The following GPC5 variants were observed in gnomAD, a reference collection of about 807,000 sequenced individuals.
The protein encoded by GPC5 is glypican-5.
GPC5 carries 47 observed loss-of-function variants against 53.9 expected under a neutral mutation model. The observed-to-expected ratio is 0.87, with a 90% CI of 0.69 to 1.11. The LOEUF is 1.11. Among genes scored for constraint, GPC5 ranks in the 50% most tolerant of loss-of-function variants. The pLI is 0.00. For missense variants in GPC5, 748 were observed against 713.1 expected, an observed-to-expected ratio of 1.05 and a Z score of -0.56; for synonymous variants, 286 against 263.3, an observed-to-expected ratio of 1.09 and a Z score of -0.84.
chr13:91,745,580 C>T (rs773016692), intron 4 of GPC5, among the ~76,000 whole-genome samples: 2 of 151,866 alleles, frequency 1.3e-5, no homozygotes, highest in Non-Finnish European at 2.9e-5. Flanking sequence ...AGGGAGATGA[C>T]TTCCTATGTG....
chr13:91,897,873 A>G (rs1018158091), intron 5 of GPC5, among the ~76,000 whole-genome samples: 26 of 152,130 alleles, frequency 1.7e-4, no homozygotes, highest in African/African-American at 6.0e-4. Context: ...CACAGTTCAG[A>G]CACAACCTCT....
intron 6 of GPC5, among the ~76,000 whole-genome samples, chr13:92,099,493 C>T (rs1332931797): frequency 6.6e-6 from 1 of 152,114 alleles, no homozygotes; most frequent in Non-Finnish European, 1.5e-5. Flanking sequence ...TCCTAATGTC[C>T]AATCTTTCCC....
At chr13:92,267,370 C>T (rs908375181) in intron 7 of GPC5, among the ~76,000 whole-genome samples, 2 of 152,046 alleles carry the variant, frequency 1.3e-5, no homozygotes, top group Non-Finnish European at 2.9e-5. Context: ...CCTGTACATC[C>T]ATGAGAAAAT....
At chr13:91,616,138 G>T (rs2139336641) in intron 2 of GPC5, among the ~76,000 whole-genome samples, 1 of 152,234 alleles carries the variant, frequency 6.6e-6, no homozygotes, top group African/African-American at 2.4e-5. Flanking sequence ...ATATTGCCTA[G>T]GAAGAGAGTT....
chr13:91,622,840 T>C (rs2033898551), intron 2 of GPC5, among the ~76,000 whole-genome samples: 1 of 152,172 alleles, frequency 6.6e-6, no homozygotes, highest in African/African-American at 2.4e-5. Flanking sequence ...CCAGCTAAGA[T>C]AAAATTTACC....
chr13:92,314,999 A>T (rs2043169352), intron 7 of GPC5, among the ~76,000 whole-genome samples: 1 of 151,822 alleles, frequency 6.6e-6, no homozygotes, highest in Non-Finnish European at 1.5e-5. Flanking sequence ...CTGGTCTCGA[A>T]CTCTTAGGCT....
chr13:92,609,493 C>A (rs966864226), intron 7 of GPC5, among the ~76,000 whole-genome samples: 3 of 152,026 alleles, frequency 2.0e-5, no homozygotes, highest in Non-Finnish European at 4.4e-5. Flanking sequence ...CTTTATCTAA[C>A]CTTCATTTAC....
chr13:92,446,424 G>A (rs1237826958), intron 7 of GPC5: 2 of 150,052 alleles, frequency 1.3e-5, no homozygotes, highest in South Asian at 2.1e-4. Flanking sequence ...GCAAAGGACA[G>A]GATACTAGAT....
chr13:92,474,403 G>A (rs1879023613), intron 7 of GPC5, among the ~76,000 whole-genome samples: 1 of 151,938 alleles, frequency 6.6e-6, no homozygotes, highest in South Asian at 2.1e-4. Context: ...TGTTACGGTG[G>A]CCATTTGCAT....
intron 7 of GPC5, among the ~76,000 whole-genome samples, chr13:92,614,127 C>T (rs1438251429): frequency 6.6e-6 from 1 of 152,114 alleles, no homozygotes; most frequent in Non-Finnish European, 1.5e-5. Flanking sequence ...TATCAACTCT[C>T]ACTCACCAAA....
chr13:92,071,329 A>T (rs1027696412), intron 6 of GPC5, among the ~76,000 whole-genome samples: 14 of 152,210 alleles, frequency 9.2e-5, no homozygotes, highest in Non-Finnish European at 1.5e-4. Context: ...TTAGCTGGAC[A>T]ATCATATAGA....
chr13:91,421,962 G>A (rs750839227), intron 1 of GPC5, among the ~76,000 whole-genome samples: 4 of 152,196 alleles, frequency 2.6e-5, no homozygotes, highest in East Asian at 3.9e-4. Context: ...GGAGAAGGAA[G>A]CATCACCCTG....
chr13:92,712,857 C>T (rs1309443152), intron 7 of GPC5, among the ~76,000 whole-genome samples: 1 of 152,126 alleles, frequency 6.6e-6, no homozygotes, highest in East Asian at 1.9e-4. Flanking sequence ...TTAGTAAACA[C>T]ACACTTACAC....
At chr13:91,821,851 CTA>C (rs2038501002) in intron 5 of GPC5, among the ~76,000 whole-genome samples, 1 of 152,040 alleles carries the variant, frequency 6.6e-6, no homozygotes, top group African/African-American at 2.4e-5. Context: ...GTATCTGTAA[CTA>C]TGAATAGAAT....
At chr13:91,770,120 C>T (rs2037594852) in intron 5 of GPC5, among the ~76,000 whole-genome samples, 1 of 152,102 alleles carries the variant, frequency 6.6e-6, no homozygotes, top group African/African-American at 2.4e-5. Flanking sequence ...AACACTTTAC[C>T]TGTGTTTACT....
chr13:91,561,419 C>A (rs371516693), intron 2 of GPC5, among the ~76,000 whole-genome samples: 66 of 152,238 alleles, frequency 4.3e-4, no homozygotes, highest in African/African-American at 1.5e-3. Flanking sequence ...TGAAAAAAGT[C>A]TTTACACTTC....
intron 1 of GPC5, among the ~76,000 whole-genome samples, chr13:91,404,563 A>G (rs1877183354): frequency 6.6e-6 from 1 of 152,208 alleles, no homozygotes; most frequent in African/African-American, 2.4e-5. Context: ...AGTTTTAGTA[A>G]ATCTTCCATT....
chr13:92,139,276 T>C (rs1428987857), intron 6 of GPC5, among the ~76,000 whole-genome samples: 1 of 152,256 alleles, frequency 6.6e-6, no homozygotes, highest in Non-Finnish European at 1.5e-5. Context: ...TTTATTTTGC[T>C]GTATAGTCAT....
intron 5 of GPC5, among the ~76,000 whole-genome samples, chr13:91,891,865 A>G (rs750961371): frequency 2.6e-5 from 4 of 152,088 alleles, no homozygotes; most frequent in Non-Finnish European, 4.4e-5. Flanking sequence ...CTTCCATTTA[A>G]GACTGCTTAT....
Sources: allele counts gnomAD v4.1 joint callset (sites outside exome capture counted in the v4.1 genomes callset), GRCh38; gene constraint gnomAD v4.1.1; transcripts MANE v1.5; gene names NCBI Gene and HGNC (gene_info 2026-07-23, HGNC 2026-07-21).